Variants in PLA2G2C observed in about 807,000 individuals in gnomAD.
PLA2G2C encodes the protein putative inactive group IIC secretory phospholipase A2.
A neutral mutation model predicts 14.3 loss-of-function variants in PLA2G2C; 15 were observed. That is an observed-to-expected ratio of 1.05 (90% confidence interval 0.70 to 1.62). The LOEUF is 1.62. PLA2G2C is among the 40% of genes most tolerant of loss of function. PLA2G2C has a pLI of 0.00. For missense variants in PLA2G2C, 162 were observed against 173.2 expected, an observed-to-expected ratio of 0.94 and a Z score of 0.36; for synonymous variants, 79 against 67.7, an observed-to-expected ratio of 1.17 and a Z score of -0.82.
At chr1:20,171,676 T>C (rs557026424) in intron 4 of PLA2G2C, among the ~76,000 whole-genome samples, 2 of 151,092 alleles carry the variant, frequency 1.3e-5, no homozygotes, top group South Asian at 4.2e-4. Flanking sequence ...TCTGAATAAA[T>C]ACACCTGGGA....
chr1:20,168,317 T>C (rs1025600877), intron 4 of PLA2G2C, among the ~76,000 whole-genome samples: 1 of 152,212 alleles, frequency 6.6e-6, no homozygotes, highest in African/African-American at 2.4e-5. Context: ...TCCCAACATG[T>C]GTCTGGTCTT....
At chr1:20,170,101 T>C (rs886714100) in intron 4 of PLA2G2C, among the ~76,000 whole-genome samples, 2 of 152,236 alleles carry the variant, frequency 1.3e-5, no homozygotes, top group African/African-American at 2.4e-5. Context: ...AGGGTCCTCC[T>C]TGATAATGGG....
At chr1:20,179,009 A>T (rs1476419160) in intron 1 of PLA2G2C, among the ~76,000 whole-genome samples, 1 of 152,230 alleles carries the variant, frequency 6.6e-6, no homozygotes, top group Non-Finnish European at 1.5e-5. Context: ...TCTCTGCTGC[A>T]GGTACCGCGT....
In PLA2G2C at chr1:20,175,065, C is replaced by A. The variant is rs772567088; in HGVS notation, c.121G>T (p.Gly41Ter). Reference protein sequence around the residue: ...TGRSAFFSYYGYGCYCGLGDK... With the variant: ...TGRSAFFSYY ...CCAAGCCCACAGTAGCAGCCATATCCGTAATATGAGAAGAAGGCACTTCGC... is the reference window on the plus strand; with the variant it reads ...CCAAGCCCACAGTAGCAGCCATATCAGTAATATGAGAAGAAGGCACTTCGC... Residue 41 changes from glycine (G) to a stop codon, truncating the protein, a stop_gained, in exon 3 of 5, where the codon GGA becomes TGA. Transcript: ENST00000679259. LOFTEE classifies it high-confidence loss of function. 2 of 1,613,982 alleles carry A rather than the reference C, an allele frequency of 1.2e-6. No homozygotes were observed. Among genetic ancestry groups the A allele is most frequent in the Admixed American group, 3.3e-5 (2 of 60,020 alleles).
At chr1:20,179,857 GTGTCAGCTTCTGCTA>G (rs1455410792) in intron 1 of PLA2G2C, among the ~76,000 whole-genome samples, 4 of 149,344 alleles carry the variant, frequency 2.7e-5, no homozygotes, top group South Asian at 2.1e-4. Context: ...TCTCCCTTGT[GTGTCAGCTTCTGCTA>G]TGTCAGCTTC....
chr1:20,186,020 C>T (rs1292631017), intron 1 of PLA2G2C: 2 of 149,328 alleles, frequency 1.3e-5, no homozygotes, highest in African/African-American at 2.6e-5. Context: ...CACCCGACCC[C>T]ACCCGACCCA....
chr1:20,179,015 C>G (rs776605161), intron 1 of PLA2G2C, among the ~76,000 whole-genome samples: 1 of 152,248 alleles, frequency 6.6e-6, no homozygotes, highest in Non-Finnish European at 1.5e-5. Context: ...CTGCAGGTAC[C>G]GCGTGGCCCA....
At chr1:20,168,119 T>C (rs1160685081) in intron 4 of PLA2G2C, among the ~76,000 whole-genome samples, 1 of 152,238 alleles carries the variant, frequency 6.6e-6, no homozygotes, top group East Asian at 1.9e-4. Context: ...TGCCAGCAGC[T>C]GACCCCTTGG....
chr1:20,177,650 T>TA (rs1427048948), intron 1 of PLA2G2C, among the ~76,000 whole-genome samples: 5 of 138,690 alleles, frequency 3.6e-5, no homozygotes, highest in African/African-American at 1.6e-4. Flanking sequence ...GTTGGTTTGG[T>TA]TTTTTTTTTT....
chr1:20,172,911 C>T lies in PLA2G2C; in HGVS notation c.180-14G>A, dbSNP rs1308095959. 1 of 1,601,900 alleles carries T rather than the reference C, an allele frequency of 6.2e-7. No individual in the cohort carries two copies. The highest frequency in any genetic ancestry group is 8.5e-7 in the Non-Finnish European group (1 of 1,169,770). On this transcript the variant is annotated splice_polypyrimidine_tract_variant and intron_variant, in intron 3 of 4. Transcript: ENST00000679259. ...GAGGGGCTGTGCCTGGAAGTGGGTCCCTCAGGAATCTGCTGGAGGACCTTA... is the reference window on the plus strand; with the variant it reads ...GAGGGGCTGTGCCTGGAAGTGGGTCTCTCAGGAATCTGCTGGAGGACCTTA...
At chr1:20,185,315 C>G (rs6426617) in intron 1 of PLA2G2C, among the ~76,000 whole-genome samples, 51,664 of 151,918 alleles carry the variant, frequency 0.34, 10,376 homozygotes, top group African/African-American at 0.55. Context: ...GGTTTGGCTT[C>G]AGGTTTCATC....
In PLA2G2C at chr1:20,164,545, G is replaced by A. The variant is rs1274983545; in HGVS notation, c.284-388C>T. On this transcript the variant is annotated intron_variant, in intron 4 of 4. Transcript: ENST00000679259. ...CTAGAAGGAATCAGGAGGCAGGGGC[G>A]TGGGCTGCGTGGAGGGCCCTGAATG... 3.9e-5 allele frequency among the ~76,000 whole-genome samples: 6 copies of A among 152,202 alleles called. 1 individual carries two copies. Among genetic ancestry groups the A allele is most frequent in the Admixed American group, 3.9e-4 (6 of 15,290 alleles).
At position 20,170,334 on chromosome 1, in the gene PLA2G2C, C is replaced by T. The variant is rs1371035913; in HGVS notation, c.283+2460G>A. On this transcript the variant is annotated intron_variant, in intron 4 of 4. Transcript: ENST00000679259. The stretch of plus-strand genomic sequence containing the variant: ...CTGTTTCTTGGATCAAACTCATCCC[C>T]TCTGTGGGTCTCAGTCTCTTCATTG... Among the ~76,000 whole-genome samples the T allele has an allele frequency of 2.0e-5, 3 of 152,356 alleles. No homozygotes were observed. In the East Asian group the frequency reaches 5.8e-4, roughly 29 times the overall value.
chr1:20,163,763 T>G lies in PLA2G2C; in HGVS notation c.*228A>C, dbSNP rs112643371. 324 of 534,858 alleles carry G rather than the reference T, an allele frequency of 6.1e-4. 2 individuals carry two copies. Among genetic ancestry groups the G allele is most frequent in the African/African-American group, 4.8e-3 (254 of 52,476 alleles). 33.1% of individuals were successfully genotyped at this position (534,858 alleles called of 1,614,324 possible). ...CCCCACTCCACAGAATGCCAGCTCC[T>G]GCAGGGCAGGCATCTCATCTTTCCC... On this transcript the variant is annotated 3_prime_UTR_variant, in exon 5 of 5. Coordinates refer to ENST00000679259, the MANE Select transcript of PLA2G2C (RefSeq NM_001367969.2).
intron 1 of PLA2G2C, among the ~76,000 whole-genome samples, chr1:20,177,868 T>C (rs1262409933): frequency 6.6e-6 from 1 of 152,242 alleles, no homozygotes; most frequent in Non-Finnish European, 1.5e-5. Context: ...ACTTTACCTC[T>C]CTGCACCTTG....
chr1:20,166,519 C>G (rs1017182495), intron 4 of PLA2G2C, among the ~76,000 whole-genome samples: 1 of 152,156 alleles, frequency 6.6e-6, no homozygotes, highest in African/African-American at 2.4e-5. Flanking sequence ...TGAGCTCAGG[C>G]CCCCCAGCCA....
intron 4 of PLA2G2C, among the ~76,000 whole-genome samples, chr1:20,164,421 C>T (rs886544415): frequency 2.0e-5 from 3 of 152,016 alleles, no homozygotes; most frequent in East Asian, 1.9e-4. Flanking sequence ...TGTGTGTGTG[C>T]GTGTGCATGT....
intron 1 of PLA2G2C, among the ~76,000 whole-genome samples, chr1:20,181,859 C>A (rs1450348749): frequency 1.3e-5 from 2 of 152,166 alleles, no homozygotes; most frequent in Non-Finnish European, 2.9e-5. Flanking sequence ...GGAAAGGTAG[C>A]ATTGTGCAAG....
In PLA2G2C at chr1:20,163,938, G is replaced by A; in HGVS notation, c.*53C>T. The A allele has an allele frequency of 6.5e-7, 1 of 1,546,078 alleles. No individual in the cohort carries two copies. Among genetic ancestry groups the A allele is most frequent in the South Asian group, 1.2e-5 (1 of 80,988 alleles). On this transcript the variant is annotated 3_prime_UTR_variant, in exon 5 of 5. Transcript: ENST00000679259. ...GGGGATGATCTGAGAAGGCTTCCTG[G>A]AAGAGCAACACTAGAGCGGATGCTG...
Sources: allele counts gnomAD v4.1 joint callset (sites outside exome capture counted in the v4.1 genomes callset), GRCh38; gene constraint gnomAD v4.1.1; transcripts MANE v1.5; gene names NCBI Gene and HGNC (gene_info 2026-07-23, HGNC 2026-07-21).